Variants in MECOM observed in about 807,000 individuals in gnomAD.
MECOM encodes histone-lysine N-methyltransferase MECOM.
In MECOM, 13 loss-of-function variants were observed where a neutral mutation model predicts 116.3. That is an observed-to-expected ratio of 0.11 (90% CI 0.07 to 0.18). The LOEUF (loss-of-function observed/expected upper bound fraction) is 0.18, where lower values mean the gene tolerates loss of function less well. Ranked by LOEUF, MECOM falls within the 10% of genes least tolerant of loss-of-function variation. The probability of loss-of-function intolerance (pLI) is 1.00; values close to 1 mark genes in which losing one functional copy is unlikely to be tolerated. For synonymous variants in MECOM, 528 were observed against 535.2 expected, an observed-to-expected ratio of 0.99 and a Z score of 0.19; for missense variants, 1,299 against 1,509.0, an observed-to-expected ratio of 0.86 and a Z score of 2.31.
At chr3:169,585,648 C>T (rs1577000950) in intron 1 of MECOM, among the ~76,000 whole-genome samples, 1 of 152,134 alleles carries the variant, frequency 6.6e-6, no homozygotes, top group South Asian at 2.1e-4. Flanking sequence ...CTGCCTGGAC[C>T]GCAGAGGTTG....
At chr3:169,167,146 T>A (rs1422780216) in intron 2 of MECOM, among the ~76,000 whole-genome samples, 1 of 152,188 alleles carries the variant, frequency 6.6e-6, no homozygotes, top group Non-Finnish European at 1.5e-5. Context: ...GGCTAATTTT[T>A]AAAAAAATTT....
At chr3:169,575,671 G>A (rs1463322743) in intron 1 of MECOM, among the ~76,000 whole-genome samples, 1 of 152,158 alleles carries the variant, frequency 6.6e-6, no homozygotes, top group African/African-American at 2.4e-5. Context: ...GCATCCAGCT[G>A]GGAAAGGAAG....
chr3:169,528,766 C>T lies in MECOM; in HGVS notation c.37+134570G>A, dbSNP rs191506069. On this transcript the variant is annotated intron_variant, in intron 1 of 16. Coordinates refer to ENST00000651503, the MANE Select transcript of MECOM (RefSeq NM_004991.4). Reference sequence around the variant, plus strand: ...ACTTTCAAAGAACTGGTTTGCGTTTCAGAATTCCACAGATGATGTGCCTTA... The same window carrying T: ...ACTTTCAAAGAACTGGTTTGCGTTTTAGAATTCCACAGATGATGTGCCTTA... 2.3e-3 allele frequency among the ~76,000 whole-genome samples: 355 copies of T among 152,316 alleles called. 1 individual carries two copies. The highest frequency in any genetic ancestry group is 3.5e-3 in the South Asian group (17 of 4,824).
rs542209285 is a variant in MECOM, at chr3:169,180,844, G to A, written c.376-37012C>T. 4.9e-3 allele frequency among the ~76,000 whole-genome samples: 571 copies of A among 116,026 alleles called. 13 individuals carry two copies. The highest frequency in any genetic ancestry group is 7.2e-3 in the Non-Finnish European group (380 of 53,084). 76.1% of individuals were successfully genotyped at this position (116,026 alleles called of 152,430 possible). ...CTGTGTGTATCAAAAGTTCCAAATC[G>A]GAGAGATGTCAAAAATTTAATTCAA... On this transcript the variant is annotated intron_variant, in intron 2 of 16. Coordinates refer to ENST00000651503, the MANE Select transcript of MECOM (RefSeq NM_004991.4).
intron 11 of MECOM, 103 bp downstream of exon 11, chr3:169,101,957 A>T: frequency 9.2e-7 from 1 of 1,089,076 alleles, no homozygotes; most frequent in Non-Finnish European, 1.3e-6. Flanking sequence ...TATGGTGGCT[A>T]TTAATCATCT....
At chr3:169,599,202 CCACAGT>C (rs1360271191) in intron 1 of MECOM, among the ~76,000 whole-genome samples, 1 of 152,136 alleles carries the variant, frequency 6.6e-6, no homozygotes, top group East Asian at 1.9e-4. Flanking sequence ...TTAACGTGAG[CCACAGT>C]TTAAAGTGTG....
chr3:169,373,487 C>A (rs903576799), intron 2 of MECOM, among the ~76,000 whole-genome samples: 38 of 152,016 alleles, frequency 2.5e-4, no homozygotes, highest in South Asian at 6.2e-4. Flanking sequence ...TAAAAATTTT[C>A]TTTGAAGAGA....
intron 2 of MECOM, among the ~76,000 whole-genome samples, chr3:169,251,532 C>A (rs1399437028): frequency 1.3e-5 from 2 of 152,156 alleles, no homozygotes; most frequent in African/African-American, 4.8e-5. Flanking sequence ...GGCTTTTTCT[C>A]TCTTTAAATT....
intron 1 of MECOM, among the ~76,000 whole-genome samples, chr3:169,621,709 T>A (rs528977111): frequency 7.9e-5 from 12 of 152,156 alleles, no homozygotes; most frequent in African/African-American, 2.9e-4. Context: ...GTGAGCTGAG[T>A]TCGTGCCACT....
chr3:169,228,263 C>T (rs948008261), intron 2 of MECOM, among the ~76,000 whole-genome samples: 2 of 152,174 alleles, frequency 1.3e-5, no homozygotes, highest in African/African-American at 4.8e-5. Flanking sequence ...CCGGGCAATA[C>T]TATACTAAAC....
At chr3:169,456,295 A>T (rs1470136796) in intron 1 of MECOM, among the ~76,000 whole-genome samples, 2 of 152,182 alleles carry the variant, frequency 1.3e-5, no homozygotes, top group Non-Finnish European at 2.9e-5. Flanking sequence ...GCATTGTACA[A>T]TATAGAGATG....
chr3:169,644,066 A>G (rs996468752), intron 1 of MECOM, among the ~76,000 whole-genome samples: 1 of 152,108 alleles, frequency 6.6e-6, no homozygotes, highest in African/African-American at 2.4e-5. Flanking sequence ...GAATCATTCT[A>G]TTTTCTTTAG....
chr3:169,498,588 C>T (rs74593396), intron 1 of MECOM, among the ~76,000 whole-genome samples: 1 of 152,186 alleles, frequency 6.6e-6, no homozygotes, highest in African/African-American at 2.4e-5. Context: ...AGCCTCTGAA[C>T]AGAAGGCTGT....
chr3:169,626,766 G>A (rs535878752), intron 1 of MECOM, among the ~76,000 whole-genome samples: 23 of 152,086 alleles, frequency 1.5e-4, no homozygotes, highest in African/African-American at 5.1e-4. Context: ...TGAAGATCCT[G>A]GATGTCTTTT....
At chr3:169,588,627 C>T (rs1766036393) in intron 1 of MECOM, among the ~76,000 whole-genome samples, 1 of 151,800 alleles carries the variant, frequency 6.6e-6, no homozygotes, top group South Asian at 2.1e-4. Flanking sequence ...TTTTTTAAGC[C>T]TTCTGAAGAA....
chr3:169,485,990 T>C (rs1220548205), intron 1 of MECOM, among the ~76,000 whole-genome samples: 1 of 98,820 alleles, frequency 1.0e-5, no homozygotes, highest in African/African-American at 4.3e-5. Context: ...ATATAGTATA[T>C]ATATGTATAT....
At chr3:169,637,072 G>T (rs1038634462) in intron 1 of MECOM, among the ~76,000 whole-genome samples, 1 of 152,164 alleles carries the variant, frequency 6.6e-6, no homozygotes, top group African/African-American at 2.4e-5. Flanking sequence ...TCCAATGTTA[G>T]GTCATAAAAA....
At chr3:169,165,150 G>A (rs80132993) in intron 2 of MECOM, among the ~76,000 whole-genome samples, 6,668 of 152,256 alleles carry the variant, frequency 0.044, 192 homozygotes, top group Middle Eastern at 0.17. Flanking sequence ...ATAGATACAT[G>A]TCATCGGAAA....
intron 1 of MECOM, among the ~76,000 whole-genome samples, chr3:169,627,100 T>G (rs1410045191): frequency 2.6e-5 from 4 of 152,206 alleles, no homozygotes; most frequent in Non-Finnish European, 5.9e-5. Flanking sequence ...ATTACAGCAG[T>G]CAAAAAAGTG....
Sources: gnomAD v4.1 joint callset for allele counts (sites outside exome capture counted in the v4.1 genomes callset) on GRCh38, gnomAD v4.1.1 for gene constraint, MANE v1.5 for transcripts, NCBI Gene and HGNC (gene_info 2026-07-23, HGNC 2026-07-21) for gene names.